Variants in PDZRN4 observed in about 807,000 individuals in gnomAD.
PDZRN4 encodes the protein PDZ domain containing ring finger 4, also known as PDZ domain-containing RING finger protein 4.
In PDZRN4, 70 loss-of-function variants were observed where a neutral mutation model predicts 99.0. The observed-to-expected ratio is 0.71, with a 90% CI of 0.58 to 0.86. The LOEUF (loss-of-function observed/expected upper bound fraction) is 0.86. Ranked by LOEUF, PDZRN4 falls within the 40% of genes least tolerant of loss-of-function variation. The probability of loss-of-function intolerance (pLI) is 0.00; values close to 1 mark genes in which losing one functional copy is unlikely to be tolerated. For synonymous variants in PDZRN4, 551 were observed against 501.6 expected, an observed-to-expected ratio of 1.10 and a Z score of -1.32; for missense variants, 1,474 against 1,331.2, an observed-to-expected ratio of 1.11 and a Z score of -1.67.
chr12:41,220,091 G>T (rs1950945091), intron 3 of PDZRN4, among the ~76,000 whole-genome samples: 1 of 152,056 alleles, frequency 6.6e-6, no homozygotes, highest in African/African-American at 2.4e-5. Flanking sequence ...TATGTTGGTG[G>T]CTCTTCCCCC....
chr12:41,291,624 C>G (rs1006349844), intron 3 of PDZRN4, among the ~76,000 whole-genome samples: 3 of 152,114 alleles, frequency 2.0e-5, no homozygotes, highest in Non-Finnish European at 1.5e-5. Context: ...GCTCAATACA[C>G]TATAGACAGG....
intron 3 of PDZRN4, among the ~76,000 whole-genome samples, chr12:41,462,403 T>TA (rs1213482274): frequency 6.6e-6 from 1 of 152,202 alleles, no homozygotes; most frequent in South Asian, 2.1e-4. Flanking sequence ...GCTTTAACTC[T>TA]AAAAAGGTAT....
At chr12:41,268,432 G>A (rs934786655) in intron 3 of PDZRN4, among the ~76,000 whole-genome samples, 4 of 152,218 alleles carry the variant, frequency 2.6e-5, no homozygotes, top group African/African-American at 9.6e-5. Flanking sequence ...AGATGGCATA[G>A]TCTGCCTCCT....
intron 3 of PDZRN4, among the ~76,000 whole-genome samples, chr12:41,331,290 T>G (rs530377216): frequency 2.6e-5 from 4 of 152,248 alleles, no homozygotes; most frequent in South Asian, 2.1e-4. Flanking sequence ...TCTTAATAAT[T>G]TTCTATATTT....
At chr12:41,558,918 G>A (rs1456167116) in intron 7 of PDZRN4, among the ~76,000 whole-genome samples, 1 of 152,180 alleles carries the variant, frequency 6.6e-6, no homozygotes, top group Non-Finnish European at 1.5e-5. Context: ...GGGATACCCT[G>A]TAATGAGCAG....
intron 3 of PDZRN4, among the ~76,000 whole-genome samples, chr12:41,483,949 TC>T (rs1448010928): frequency 6.6e-6 from 1 of 152,200 alleles, no homozygotes; most frequent in African/African-American, 2.4e-5. Context: ...GTTGTGCTCA[TC>T]TTTTACCTTT....
chr12:41,242,505 C>A (rs571524395), intron 3 of PDZRN4, among the ~76,000 whole-genome samples: 20 of 152,280 alleles, frequency 1.3e-4, no homozygotes, highest in African/African-American at 4.6e-4. Flanking sequence ...CTGATGGAAG[C>A]ACTGGACAAG....
At chr12:41,195,852 T>C (rs971902683) in intron 3 of PDZRN4, among the ~76,000 whole-genome samples, 2 of 152,156 alleles carry the variant, frequency 1.3e-5, no homozygotes, top group Non-Finnish European at 2.9e-5. Flanking sequence ...CTCAAAAACA[T>C]ATTAAGTTGT....
chr12:41,372,529 G>C (rs1038568591), intron 3 of PDZRN4, among the ~76,000 whole-genome samples: 1 of 152,138 alleles, frequency 6.6e-6, no homozygotes. Flanking sequence ...ACATAAAATG[G>C]AAAACTGAAG....
chr12:41,494,592 T>A (rs997869357), intron 3 of PDZRN4, among the ~76,000 whole-genome samples: 8 of 152,142 alleles, frequency 5.3e-5, no homozygotes, highest in African/African-American at 1.9e-4. Context: ...ACTTTATTTT[T>A]TTTTTGCCTT....
intron 3 of PDZRN4, among the ~76,000 whole-genome samples, chr12:41,308,135 T>C (rs1404089840): frequency 1.3e-5 from 2 of 152,150 alleles, no homozygotes; most frequent in Non-Finnish European, 2.9e-5. Context: ...ATTCATAACT[T>C]TTCTGTATTA....
intron 5 of PDZRN4, among the ~76,000 whole-genome samples, chr12:41,529,001 G>T (rs959897688): frequency 1.3e-5 from 2 of 152,036 alleles, no homozygotes; most frequent in African/African-American, 4.8e-5. Context: ...ACATTTTATA[G>T]TACTCAAATT....
At chr12:41,236,798 A>G (rs1951070791) in intron 3 of PDZRN4, among the ~76,000 whole-genome samples, 1 of 152,178 alleles carries the variant, frequency 6.6e-6, no homozygotes, top group Non-Finnish European at 1.5e-5. Context: ...GAATTTCAGC[A>G]CAATCAATAG....
intron 3 of PDZRN4, among the ~76,000 whole-genome samples, chr12:41,258,147 G>C (rs1951215637): frequency 6.6e-6 from 1 of 152,136 alleles, no homozygotes; most frequent in East Asian, 1.9e-4. Flanking sequence ...TTAATGTGAA[G>C]CTGACAGAGA....
At chr12:41,336,130 C>T (rs1951772228) in intron 3 of PDZRN4, among the ~76,000 whole-genome samples, 1 of 152,096 alleles carries the variant, frequency 6.6e-6, no homozygotes, top group African/African-American at 2.4e-5. Context: ...AATCCATTAT[C>T]CTTACTATTC....
chr12:41,546,256 C>G (rs1938948565), intron 5 of PDZRN4, among the ~76,000 whole-genome samples: 1 of 152,162 alleles, frequency 6.6e-6, no homozygotes. Context: ...CTGGATGATA[C>G]AGTGGACAAA....
chr12:41,477,437 T>C (rs550810787), intron 3 of PDZRN4, among the ~76,000 whole-genome samples: 3 of 152,320 alleles, frequency 2.0e-5, no homozygotes, highest in East Asian at 3.9e-4. Context: ...CTCAGCAGTA[T>C]TGAAGGTGAA....
chr12:41,453,544 A>G (rs1214723264), intron 3 of PDZRN4, among the ~76,000 whole-genome samples: 1 of 152,218 alleles, frequency 6.6e-6, no homozygotes, highest in Non-Finnish European at 1.5e-5. Flanking sequence ...CAAATCATGT[A>G]GCAACATAGT....
intron 3 of PDZRN4, among the ~76,000 whole-genome samples, chr12:41,340,446 G>C (rs866957697): frequency 6.6e-6 from 1 of 151,828 alleles, no homozygotes; most frequent in Non-Finnish European, 1.5e-5. Flanking sequence ...TAGTGAGGTT[G>C]GGGGTGAGGA....
Sources: allele counts gnomAD v4.1 joint callset (sites outside exome capture counted in the v4.1 genomes callset), GRCh38; gene constraint gnomAD v4.1.1; transcripts MANE v1.5; gene names NCBI Gene and HGNC (gene_info 2026-07-23, HGNC 2026-07-21).